BCL7A: variants seen among roughly 807,000 people sequenced by gnomAD.
BCL7A encodes B-cell CLL/lymphoma 7 protein family member A.
In BCL7A, 11 loss-of-function variants were observed where a neutral mutation model predicts 28.4. That is an observed-to-expected ratio of 0.39 (90% CI 0.24 to 0.64). The LOEUF is 0.64. Among genes scored for constraint, BCL7A ranks in the 30% least tolerant of loss-of-function variants. The pLI, the probability that BCL7A is intolerant of heterozygous loss-of-function variation, is 0.50. For synonymous variants in BCL7A, 123 were observed against 103.3 expected (o/e 1.19, Z -1.15); for missense variants, 222 against 274.8 (o/e 0.81, Z 1.36).
At position 122,051,866 on chromosome 12, in the gene BCL7A, CTTTTTT is replaced by C. The variant is rs34244407; in HGVS notation, c.440-2919_440-2914del. Among the ~76,000 whole-genome samples, 197 of 80,330 alleles carry C rather than the reference CTTTTTT, an allele frequency of 2.5e-3. 1 individual carries two copies. The highest frequency in any genetic ancestry group is 4.3e-3 in the Admixed American group (23 of 5,402). 52.7% of individuals were successfully genotyped at this position (80,330 alleles called of 152,430 possible). A position where few individuals can be genotyped will look rare whatever the true frequency, so the allele number is the denominator to read the frequency against. Reference sequence around the variant, plus strand: ...ACAATAACATGATTTCTCTCTCTCTCTTTTTTTTTTTTTTTTTTTTTTTTTGAGACA... The same window carrying C: ...ACAATAACATGATTTCTCTCTCTCTCTTTTTTTTTTTTTTTTTTTGAGACA... On this transcript the variant is annotated intron_variant, in intron 4 of 5. Coordinates refer to ENST00000261822, the MANE Select transcript of BCL7A (RefSeq NM_001024808.3).
At chr12:122,053,471 C>T (rs1010129660) in intron 4 of BCL7A, among the ~76,000 whole-genome samples, 3 of 152,148 alleles carry the variant, frequency 2.0e-5, no homozygotes. Flanking sequence ...TTATTTTCCC[C>T]TTTGTTATTA....
chr12:122,051,130 C>CA (rs747064558), intron 4 of BCL7A, among the ~76,000 whole-genome samples: 2 of 152,176 alleles, frequency 1.3e-5, no homozygotes, highest in African/African-American at 2.4e-5. Flanking sequence ...TTAGTGTGTC[C>CA]AGTTGGTTGC....
chr12:122,049,036 AT>A (rs1331480275), intron 4 of BCL7A, among the ~76,000 whole-genome samples: 858 of 38,246 alleles, frequency 0.022, 6 homozygotes, highest in African/African-American at 0.061. Flanking sequence ...AAAAAAAAAA[AT>A]ATATATATAT....
intron 1 of BCL7A, among the ~76,000 whole-genome samples, chr12:122,027,704 G>A (rs1883657707): frequency 1.3e-5 from 2 of 152,166 alleles, no homozygotes; most frequent in South Asian, 2.1e-4. Flanking sequence ...GGGCGTGGTG[G>A]CATGTGCTTG....
At chr12:122,051,092 A>C (rs1397093096) in intron 4 of BCL7A, among the ~76,000 whole-genome samples, 4 of 152,000 alleles carry the variant, frequency 2.6e-5, no homozygotes, top group Non-Finnish European at 5.9e-5. Context: ...GCCCGATTTG[A>C]GCTCCGCAGC....
At position 122,021,916 on chromosome 12, in the gene BCL7A, T is replaced by TTGTGTGTGTGTGTATGTG; in HGVS notation, c.-162_-145dup. ...GCCAGGCGCGCGGCGGCCCCGGGCT[T>TTGTGTGTGTGTGTATGTG]TGTGTGTGTGTGTATGTGTGTGTGT... On this transcript the variant is annotated 5_prime_UTR_variant, in exon 1 of 6. In the 5' UTR this introduces an upstream ATG that the reference lacks. Coordinates refer to ENST00000261822, the MANE Select transcript of BCL7A (RefSeq NM_001024808.3). 1.1e-5 allele frequency: 4 copies of TTGTGTGTGTGTGTATGTG among 353,732 alleles called. No homozygotes were observed. In the East Asian group the frequency reaches 1.9e-4, roughly 17 times the overall value. 21.9% of individuals were successfully genotyped at this position (353,732 alleles called of 1,614,324 possible). A position where few individuals can be genotyped will look rare whatever the true frequency, so the allele number is the denominator to read the frequency against.
At chr12:122,024,455 G>GTTTTTT (rs1246502202) in intron 1 of BCL7A, among the ~76,000 whole-genome samples, 1 of 80,980 alleles carries the variant, frequency 1.2e-5, no homozygotes. Context: ...TGGCTTTGAG[G>GTTTTTT]TTTTTTGTTT....
Position 122,029,920 on chromosome 12 carries a change from G to A in BCL7A, c.93-780G>A, listed in dbSNP as rs1466308694. Among the ~76,000 whole-genome samples, 9 of 152,236 alleles carry A rather than the reference G, an allele frequency of 5.9e-5. No individual in the cohort carries two copies. Among genetic ancestry groups the A allele is most frequent in the South Asian group, 4.1e-4 (2 of 4,820 alleles). The stretch of plus-strand genomic sequence containing the variant: ...AGGAGAGGGTGGGCATTGTTATCTC[G>A]AATGAAAACCAGTCCTGTTTGCTTC... On this transcript the variant is annotated intron_variant, in intron 1 of 5. Coordinates refer to ENST00000261822, the MANE Select transcript of BCL7A (RefSeq NM_001024808.3). The surrounding 1 kb of genome is among the most constrained non-coding windows in gnomAD (Gnocchi z 4.3).
chr12:122,033,502 C>G (rs1012147186), intron 2 of BCL7A, among the ~76,000 whole-genome samples: 1 of 151,996 alleles, frequency 6.6e-6, no homozygotes, highest in African/African-American at 2.4e-5. Flanking sequence ...TTAATAGAGA[C>G]GGGGTTTCAC....
chr12:122,057,097 G>C (rs1225649693), intron 5 of BCL7A, among the ~76,000 whole-genome samples: 1 of 152,204 alleles, frequency 6.6e-6, no homozygotes, highest in African/African-American at 2.4e-5. Flanking sequence ...GAGTGAAACA[G>C]GGTGACGTGA....
chr12:122,044,175 G>T, intron 4 of BCL7A, 122 bp downstream of exon 4: 1 of 1,176,582 alleles, frequency 8.5e-7, no homozygotes. Context: ...ACAGTAAAGA[G>T]AGGTGACACC....
chr12:122,052,453 T>C (rs1264752232), intron 4 of BCL7A, among the ~76,000 whole-genome samples: 7 of 152,316 alleles, frequency 4.6e-5, no homozygotes, highest in Non-Finnish European at 1.0e-4. Flanking sequence ...CAAAACATTT[T>C]AATCACCCCA....
At chr12:122,058,312 C>T (rs1373196959) in intron 5 of BCL7A, among the ~76,000 whole-genome samples, 1 of 152,170 alleles carries the variant, frequency 6.6e-6, no homozygotes, top group Non-Finnish European at 1.5e-5. Context: ...TGAGACCAGC[C>T]TGGCCAACAT....
chr12:122,052,194 T>TA (rs201865031), intron 4 of BCL7A, among the ~76,000 whole-genome samples: 1,813 of 149,762 alleles, frequency 0.012, 16 homozygotes, highest in Non-Finnish European at 0.017. Context: ...CCCTCTCTTT[T>TA]AAAAAAAAAA....
rs150287121 is a variant in BCL7A, at chr12:122,031,289, A to T, written c.174+508A>T. ...GGTGATCCACCTGCCTGGGCCTCCC[A>T]AAGTGCTGGAGTTAAGGCGTGAACC... On this transcript the variant is annotated intron_variant, in intron 2 of 5. Transcript: ENST00000261822. Among the ~76,000 whole-genome samples, 699 of 152,136 alleles carry T rather than the reference A, an allele frequency of 4.6e-3. 9 individuals are homozygous for T. The highest frequency in any genetic ancestry group is 0.016 in the African/African-American group (678 of 41,496).
chr12:122,047,049 G>A (rs964371060), intron 4 of BCL7A, among the ~76,000 whole-genome samples: 17 of 151,674 alleles, frequency 1.1e-4, no homozygotes, highest in African/African-American at 3.6e-4. Flanking sequence ...GTTTACAGGC[G>A]TGCACCACCA....
In BCL7A at chr12:122,021,916, T is replaced by TTGTGTGTGTGTATG. The variant is rs1399404559; in HGVS notation, c.-165_-164insATGTGTGTGTGTGT. On this transcript the variant is annotated 5_prime_UTR_variant, in exon 1 of 6. In the 5' UTR this introduces an upstream ATG that the reference lacks. Coordinates refer to ENST00000261822, the MANE Select transcript of BCL7A (RefSeq NM_001024808.3). ...GCCAGGCGCGCGGCGGCCCCGGGCT[T>TTGTGTGTGTGTATG]TGTGTGTGTGTGTATGTGTGTGTGT... 1.7e-5 allele frequency: 6 copies of TTGTGTGTGTGTATG among 353,830 alleles called. No individual in the cohort carries two copies. Among genetic ancestry groups the TTGTGTGTGTGTATG allele is most frequent in the East Asian group, 4.9e-5 (1 of 20,594 alleles). 21.9% of individuals were successfully genotyped at this position (353,830 alleles called of 1,614,324 possible). A position where few individuals can be genotyped will look rare whatever the true frequency, so the allele number is the denominator to read the frequency against.
In BCL7A at chr12:122,044,122, G is replaced by C. The variant is rs1884020733; in HGVS notation, c.439+69G>C. 3 of 1,530,934 alleles carry C rather than the reference G, an allele frequency of 2.0e-6. No homozygotes were observed. In the African/African-American group the frequency reaches 4.1e-5, roughly 21 times the overall value. The allele number at this position is 1,530,934 out of a possible 1,614,324, so 94.8% of individuals were successfully genotyped here. A position where few individuals can be genotyped will look rare whatever the true frequency, so the allele number is the denominator to read the frequency against. On this transcript the variant is annotated intron_variant, in intron 4 of 5. Coordinates refer to ENST00000261822, the MANE Select transcript of BCL7A (RefSeq NM_001024808.3). ...CCGGCCTTCAGGCAGTCTGTGGCTAGGTGTTCCAGGAGGCCCTGTCATGTG... is the reference window on the plus strand; with the variant it reads ...CCGGCCTTCAGGCAGTCTGTGGCTACGTGTTCCAGGAGGCCCTGTCATGTG...
chr12:122,026,927 G>A (rs759135160), intron 1 of BCL7A, among the ~76,000 whole-genome samples: 31 of 152,340 alleles, frequency 2.0e-4, no homozygotes, highest in Admixed American at 9.1e-4. Context: ...GTGCTGGGGA[G>A]GAGCAGTTGG....
Sources: allele counts gnomAD v4.1 joint callset (sites outside exome capture counted in the v4.1 genomes callset), GRCh38; gene constraint gnomAD v4.1.1; non-coding constraint Gnocchi (gnomAD v3.1); transcripts MANE v1.5; gene names NCBI Gene and HGNC (gene_info 2026-07-23, HGNC 2026-07-21).